Variants in TRIM2 observed in about 807,000 individuals in gnomAD.
The protein encoded by TRIM2 is tripartite motif containing 2.
In TRIM2, 20 loss-of-function variants were observed where a neutral mutation model predicts 75.2. The observed-to-expected ratio is 0.27, with a 90% CI of 0.19 to 0.39. The LOEUF is 0.39. Among genes scored for constraint, TRIM2 ranks in the 10% least tolerant of loss-of-function variants. The probability of loss-of-function intolerance (pLI) is 1.00; values close to 1 mark genes in which losing one functional copy is unlikely to be tolerated. For missense variants in TRIM2, 660 were observed against 990.8 expected, an observed-to-expected ratio of 0.67 and a Z score of 4.48; for synonymous variants, 373 against 388.3, an observed-to-expected ratio of 0.96 and a Z score of 0.46.
In TRIM2 at chr4:153,336,307, C is replaced by T. The variant is rs190720710; in HGVS notation, c.*1341C>T. 595 of 980,728 alleles carry T rather than the reference C, an allele frequency of 6.1e-4. 4 individuals carry two copies. In the African/African-American group the frequency reaches 9.4e-3, roughly 16 times the overall value. 60.8% of individuals were successfully genotyped at this position (980,728 alleles called of 1,614,324 possible). On this transcript the variant is annotated 3_prime_UTR_variant, in exon 12 of 12. Coordinates refer to ENST00000338700, the MANE Select transcript of TRIM2 (RefSeq NM_015271.5). ...AATTTTTGCCATTTTCCAAGAATGA[C>T]GGTGGTGGCTTTTAGTCAGAAAATG...
Position 153,332,325 on chromosome 4 carries a change from A to G in TRIM2, c.2164-2489A>G, listed in dbSNP as rs192504775. On this transcript the variant is annotated intron_variant, in intron 11 of 11. Transcript: ENST00000338700. ...AAGATTCTCAAGACTCAGCAGTAAA[A>G]TAATTTAACAATCCAATTAGAATAA... 1.1e-4 allele frequency among the ~76,000 whole-genome samples: 17 copies of G among 152,376 alleles called. No individual in the cohort carries two copies. The East Asian group carries it at 2.7e-3, about 24-fold the overall frequency.
intron 1 of TRIM2, among the ~76,000 whole-genome samples, chr4:153,181,218 T>G (rs1158198200): frequency 6.6e-6 from 1 of 152,054 alleles, no homozygotes; most frequent in Non-Finnish European, 1.5e-5. Context: ...TTGAGGCCCA[T>G]AGCAGCTCCA....
upstream of TRIM2, among the ~76,000 whole-genome samples, chr4:153,201,243 C>T (rs1245364431): frequency 7.9e-5 from 12 of 152,118 alleles, no homozygotes; most frequent in Admixed American, 4.6e-4. Context: ...GGATTACAGG[C>T]GTGAGCCACC....
intron 6 of TRIM2, among the ~76,000 whole-genome samples, chr4:153,313,214 A>G (rs1218548789): frequency 6.6e-6 from 1 of 152,110 alleles, no homozygotes; most frequent in Non-Finnish European, 1.5e-5. Flanking sequence ...ATTCATGCAT[A>G]TTATGGGGAT....
At chr4:153,306,474 A>G (rs1190563658) in intron 6 of TRIM2, among the ~76,000 whole-genome samples, 2 of 152,232 alleles carry the variant, frequency 1.3e-5, no homozygotes, top group Non-Finnish European at 2.9e-5. Flanking sequence ...GGAGCTCAGC[A>G]AAGAAGTCAG....
At chr4:153,257,223 C>T (rs1027530775) in intron 1 of TRIM2, among the ~76,000 whole-genome samples, 2 of 152,186 alleles carry the variant, frequency 1.3e-5, no homozygotes, top group Non-Finnish European at 2.9e-5. Flanking sequence ...CTGGTGAATC[C>T]TGCAGTCACT....
At chr4:153,257,821 C>T in intron 1 of TRIM2, 1 of 338,650 alleles carries the variant, frequency 3.0e-6, no homozygotes, top group Non-Finnish European at 5.9e-6. Context: ...TAACTGATTT[C>T]TCCTGCTCTC....
intron 3 of TRIM2, among the ~76,000 whole-genome samples, chr4:153,289,595 A>C (rs1761412081): frequency 6.6e-6 from 1 of 152,178 alleles, no homozygotes; most frequent in African/African-American, 2.4e-5. Flanking sequence ...TCTGTCTTCC[A>C]ATGAGTATTC....
At chr4:153,286,000 T>C (rs191337738) in intron 3 of TRIM2, among the ~76,000 whole-genome samples, 34 of 152,324 alleles carry the variant, frequency 2.2e-4, no homozygotes, top group Non-Finnish European at 4.3e-4. Flanking sequence ...TGCTCTTTAT[T>C]AGGAGGAGGA....
At chr4:153,221,519 C>T (rs1305792857) in intron 1 of TRIM2, among the ~76,000 whole-genome samples, 2 of 152,204 alleles carry the variant, frequency 1.3e-5, no homozygotes, top group Non-Finnish European at 2.9e-5. Context: ...ACCCTCTGTC[C>T]ATACACTTCT....
At chr4:153,165,847 C>T (rs765827534) in intron 1 of TRIM2, among the ~76,000 whole-genome samples, 2 of 152,070 alleles carry the variant, frequency 1.3e-5, no homozygotes, top group African/African-American at 2.4e-5. Context: ...GGTGACTTGC[C>T]ATGATTTGAG....
intron 1 of TRIM2, among the ~76,000 whole-genome samples, chr4:153,253,682 A>C (rs1751388130): frequency 6.6e-6 from 1 of 152,164 alleles, no homozygotes; most frequent in Non-Finnish European, 1.5e-5. Context: ...GGTTGTAGTA[A>C]AGGAGCCGGC....
chr4:153,271,987 C>T (rs538108617), intron 2 of TRIM2, among the ~76,000 whole-genome samples: 1 of 152,270 alleles, frequency 6.6e-6, no homozygotes, highest in African/African-American at 2.4e-5. Context: ...AGGTCTGCCC[C>T]TGCTATCTTC....
chr4:153,322,531 G>A, intron 8 of TRIM2, 117 bp from the exon 9 acceptor site: 1 of 1,120,760 alleles, frequency 8.9e-7, no homozygotes, highest in Admixed American at 2.7e-5. Flanking sequence ...GAGTAGCTGT[G>A]TACCCGTTTG....
intron 1 of TRIM2, chr4:153,257,625 G>GTC: frequency 7.8e-7 from 1 of 1,278,620 alleles, no homozygotes; most frequent in Non-Finnish European, 1.0e-6. Context: ...ATTTTAACCA[G>GTC]TCTCTTTGCA....
At chr4:153,222,940 C>T (rs1003430077) in intron 1 of TRIM2, 1 of 152,066 alleles carries the variant, frequency 6.6e-6, no homozygotes, top group South Asian at 2.1e-4. Context: ...TAGGGCACCT[C>T]GGCCCTGGCT....
chr4:153,175,073 A>C (rs1388890383), intron 1 of TRIM2, among the ~76,000 whole-genome samples: 2 of 151,854 alleles, frequency 1.3e-5, no homozygotes, highest in Non-Finnish European at 2.9e-5. Flanking sequence ...GCAGTGGTGC[A>C]ATCTCGGCTC....
intron 3 of TRIM2, among the ~76,000 whole-genome samples, chr4:153,287,017 T>G (rs1393014382): frequency 6.6e-6 from 1 of 152,048 alleles, no homozygotes; most frequent in African/African-American, 2.4e-5. Flanking sequence ...CTTGCTCTGT[T>G]TCCCAGGCTG....
At chr4:153,294,575 T>C in intron 5 of TRIM2, 90 bp downstream of exon 5, 1 of 1,345,290 alleles carries the variant, frequency 7.4e-7, no homozygotes, top group Non-Finnish European at 1.0e-6. Context: ...AAGGGGTCCT[T>C]AAGTGTCATC....
Sources: allele counts gnomAD v4.1 joint callset (sites outside exome capture counted in the v4.1 genomes callset), GRCh38; gene constraint gnomAD v4.1.1; transcripts MANE v1.5; gene names NCBI Gene and HGNC (gene_info 2026-07-23, HGNC 2026-07-21).